Variants in CDX1 observed in about 807,000 individuals in gnomAD.
CDX1 encodes the protein caudal type homeobox 1.
In CDX1, 9 loss-of-function variants were observed where a neutral mutation model predicts 16.9. That is an observed-to-expected ratio of 0.53 (90% CI 0.32 to 0.93). The LOEUF is 0.93. Among genes scored for constraint, CDX1 ranks in the 40% least tolerant of loss-of-function variants. The probability of loss-of-function intolerance (pLI) is 0.04; values close to 1 mark genes in which losing one functional copy is unlikely to be tolerated. For synonymous variants in CDX1, 179 were observed against 179.0 expected, an observed-to-expected ratio of 1.00 and a Z score of 0.00; for missense variants, 393 against 386.1, an observed-to-expected ratio of 1.02 and a Z score of -0.15.
chr5:150,175,970 C>G (rs1761564674), intron 1 of CDX1, among the ~76,000 whole-genome samples: 2 of 152,210 alleles, frequency 1.3e-5, no homozygotes, highest in African/African-American at 4.8e-5. Context: ...ATTCTGTTCC[C>G]CAGGCAGGGG....
intron 1 of CDX1, among the ~76,000 whole-genome samples, chr5:150,181,530 G>A (rs1368661632): frequency 6.6e-6 from 1 of 152,066 alleles, no homozygotes; most frequent in Non-Finnish European, 1.5e-5. Flanking sequence ...ACCTCCCTCA[G>A]CCTCCCATAA....
chr5:150,182,583 T>C (rs1015207878), intron 1 of CDX1, among the ~76,000 whole-genome samples, 185 bp from the exon 2 acceptor site: 1 of 152,204 alleles, frequency 6.6e-6, no homozygotes, highest in Non-Finnish European at 1.5e-5. Context: ...TCCCAGACTG[T>C]GAGTCTGTGG....
chr5:150,167,391 GT>G, intron 1 of CDX1, 70 bp downstream of exon 1: 1 of 1,088,362 alleles, frequency 9.2e-7, no homozygotes, highest in Non-Finnish European at 1.2e-6. Context: ...GCCGCCCCCT[GT>G]CTGACCTCTG....
At chr5:150,177,162 G>A (rs1462162043) in intron 1 of CDX1, among the ~76,000 whole-genome samples, 1 of 152,270 alleles carries the variant, frequency 6.6e-6, no homozygotes, top group East Asian at 1.9e-4. Context: ...TGTGGCTCCT[G>A]TCCCCATCCT....
At chr5:150,169,609 C>T (rs1761478618) in intron 1 of CDX1, among the ~76,000 whole-genome samples, 1 of 152,184 alleles carries the variant, frequency 6.6e-6, no homozygotes, top group Non-Finnish European at 1.5e-5. Context: ...CAAGCCCCTC[C>T]TGTCTTTGGC....
intron 1 of CDX1, among the ~76,000 whole-genome samples, chr5:150,176,723 A>T (rs1364861647): frequency 6.6e-6 from 1 of 152,208 alleles, no homozygotes; most frequent in Non-Finnish European, 1.5e-5. Flanking sequence ...GGCCACACAG[A>T]TGGCATGGAA....
chr5:150,182,991 C>T lies in CDX1; in HGVS notation c.591+78C>T, dbSNP rs984144286. 5 of 1,473,846 alleles carry T rather than the reference C, an allele frequency of 3.4e-6. No homozygotes were observed. In the African/African-American group the frequency reaches 7.1e-5, roughly 21 times the overall value. The allele number at this position is 1,473,846 out of a possible 1,614,324, so 91.3% of individuals were successfully genotyped here. On this transcript the variant is annotated intron_variant, in intron 2 of 2. Coordinates refer to ENST00000231656, the MANE Select transcript of CDX1 (RefSeq NM_001804.3). ...CCAGGCTGCCAGGCAGAGTACAGAG[C>T]TCAGTAGAAGGAAAACAGAGAGGTT... is the stretch of plus-strand genomic sequence containing the variant.
intron 1 of CDX1, among the ~76,000 whole-genome samples, chr5:150,175,767 T>C (rs1191800570): frequency 1.3e-5 from 2 of 152,090 alleles, no homozygotes; most frequent in East Asian, 1.9e-4. Context: ...AAATAAGGGA[T>C]CACATGTCCA....
intron 1 of CDX1, among the ~76,000 whole-genome samples, chr5:150,176,085 G>A (rs555490519): frequency 2.0e-4 from 30 of 152,226 alleles, no homozygotes; most frequent in Admixed American, 1.9e-3. Flanking sequence ...CTAGAAGCTC[G>A]CCCCAAACAC....
In CDX1 at chr5:150,180,854, A is replaced by G. The variant is rs183383817; in HGVS notation, c.446-1914A>G. Among the ~76,000 whole-genome samples, 4 of 152,258 alleles carry G rather than the reference A, an allele frequency of 2.6e-5. No individual in the cohort carries two copies. The East Asian group carries it at 5.8e-4, about 22-fold the overall frequency. On this transcript the variant is annotated intron_variant, in intron 1 of 2. Coordinates refer to ENST00000231656, the MANE Select transcript of CDX1 (RefSeq NM_001804.3). ...TCCCAGTCCCAAAGAAAGTCCTGACATTAACCTCAGCTGGTCCTCAAATCC... is the reference window on the plus strand; with the variant it reads ...TCCCAGTCCCAAAGAAAGTCCTGACGTTAACCTCAGCTGGTCCTCAAATCC...
At chr5:150,168,097 C>T (rs985956209) in intron 1 of CDX1, among the ~76,000 whole-genome samples, 3 of 152,224 alleles carry the variant, frequency 2.0e-5, no homozygotes, top group Non-Finnish European at 1.5e-5. Flanking sequence ...CTTTGTCATG[C>T]AACTGGCTCT....
chr5:150,182,950 G>A (rs1020716349), intron 2 of CDX1, 37 bp downstream of exon 2: 2 of 1,567,612 alleles, frequency 1.3e-6, no homozygotes, highest in Admixed American at 1.8e-5. Context: ...TAGGAGCAGT[G>A]CGAGGACTCT....
At chr5:150,174,710 G>A (rs1225782137) in intron 1 of CDX1, among the ~76,000 whole-genome samples, 2 of 151,674 alleles carry the variant, frequency 1.3e-5, no homozygotes, top group East Asian at 1.9e-4. Context: ...TCTCTCTCAA[G>A]AGTTCCCAGA....
At chr5:150,182,642 T>A (rs1405462992) in intron 1 of CDX1, 126 bp from the exon 2 acceptor site, 1 of 842,856 alleles carries the variant, frequency 1.2e-6, no homozygotes, top group African/African-American at 1.8e-5. Context: ...AGTGTATGTC[T>A]CTCCCCACCT....
chr5:150,169,390 C>T (rs956676643), intron 1 of CDX1, among the ~76,000 whole-genome samples: 2 of 152,012 alleles, frequency 1.3e-5, no homozygotes, highest in African/African-American at 2.4e-5. Flanking sequence ...GAGGGAAAGG[C>T]AGAAGGAGGT....
intron 1 of CDX1, among the ~76,000 whole-genome samples, chr5:150,180,806 A>C (rs954009416): frequency 1.3e-5 from 2 of 152,058 alleles, no homozygotes; most frequent in Admixed American, 1.3e-4. Flanking sequence ...GACTCTTAGT[A>C]TTCTCTCCAG....
chr5:150,183,328 T>A (rs1157791994), intron 2 of CDX1, 146 bp from the exon 3 acceptor site: 2 of 660,548 alleles, frequency 3.0e-6, no homozygotes, highest in East Asian at 5.7e-5. Context: ...GAATTCAGGG[T>A]CCATGTGGTC....
chr5:150,168,350 G>C (rs1340472237), intron 1 of CDX1, among the ~76,000 whole-genome samples: 1 of 152,240 alleles, frequency 6.6e-6, no homozygotes, highest in African/African-American at 2.4e-5. Context: ...CCTCGGGGCA[G>C]ATGCTGGGTT....
At position 150,184,519 on chromosome 5, in the gene CDX1, T is replaced by C. The variant is rs1023526106; in HGVS notation, c.*839T>C. 3 of 152,252 alleles carry C rather than the reference T, an allele frequency of 2.0e-5. No individual in the cohort carries two copies. The highest frequency in any genetic ancestry group is 4.4e-5 in the Non-Finnish European group (3 of 68,040). The allele number at this position is 152,252 out of a possible 1,614,324, so 9.4% of individuals were successfully genotyped here. On this transcript the variant is annotated 3_prime_UTR_variant, in exon 3 of 3. Coordinates refer to ENST00000231656, the MANE Select transcript of CDX1 (RefSeq NM_001804.3). ...TTTCAAAAATGTATAAAAATCATTA[T>C]ACATAGCATTAAAGAAACATTTTTG...
Sources: allele counts gnomAD v4.1 joint callset (sites outside exome capture counted in the v4.1 genomes callset), GRCh38; gene constraint gnomAD v4.1.1; transcripts MANE v1.5; gene names NCBI Gene and HGNC (gene_info 2026-07-23, HGNC 2026-07-21).